Variants in PRKAR2B observed in about 807,000 individuals in gnomAD.
PRKAR2B encodes protein kinase cAMP-dependent type II regulatory subunit beta.
A neutral mutation model predicts 49.9 loss-of-function variants in PRKAR2B; 14 were observed. That is an observed-to-expected ratio of 0.28 (90% CI 0.19 to 0.44). The LOEUF is 0.44. PRKAR2B is among the 20% of genes least tolerant of loss of function. PRKAR2B has a pLI of 1.00. For synonymous variants in PRKAR2B, 196 were observed against 197.7 expected (o/e 0.99, Z 0.07); for missense variants, 393 against 537.9 (o/e 0.73, Z 2.67).
chr7:107,142,727 GAGA>G lies in PRKAR2B; in HGVS notation c.587+1780_587+1782del, dbSNP rs1273489271. Among the ~76,000 whole-genome samples the G allele has an allele frequency of 5.3e-5, 8 of 151,866 alleles. No homozygotes were observed. The East Asian group carries it at 1.4e-3, about 26-fold the overall frequency. ...GCCTGCCGGAGGCCTTGTATTATCA[GAGA>G]AGAAGTCTGTGTGAAAAAAACAGCC... On this transcript the variant is annotated intron_variant, in intron 5 of 10. Coordinates refer to ENST00000265717, the MANE Select transcript of PRKAR2B (RefSeq NM_002736.3).
At chr7:107,155,274 C>T (rs1796059991) in intron 8 of PRKAR2B, among the ~76,000 whole-genome samples, 2 of 152,246 alleles carry the variant, frequency 1.3e-5, no homozygotes, top group African/African-American at 4.8e-5. Context: ...ATTTCAAGGC[C>T]AGGCACAGTG....
At chr7:107,090,242 A>G (rs550709999) in intron 2 of PRKAR2B, among the ~76,000 whole-genome samples, 1 of 152,272 alleles carries the variant, frequency 6.6e-6, no homozygotes, top group Non-Finnish European at 1.5e-5. Context: ...GAATCTCTCC[A>G]TCTCTTGCCT....
chr7:107,065,242 C>T (rs1429055786), intron 1 of PRKAR2B, among the ~76,000 whole-genome samples: 1 of 151,822 alleles, frequency 6.6e-6, no homozygotes. Context: ...CACTTTTCTG[C>T]AAAAGGCTAA....
At chr7:107,138,016 C>T (rs1219485103) in intron 4 of PRKAR2B, among the ~76,000 whole-genome samples, 1 of 151,980 alleles carries the variant, frequency 6.6e-6, no homozygotes, top group Non-Finnish European at 1.5e-5. Context: ...AAAATTCATC[C>T]TGTATTGTTT....
intron 2 of PRKAR2B, among the ~76,000 whole-genome samples, chr7:107,097,774 A>G (rs910941134): frequency 6.6e-6 from 1 of 152,176 alleles, no homozygotes. Flanking sequence ...TATGAAGCTT[A>G]GTTTGGCTGG....
chr7:107,156,189 A>T (rs1244535776), intron 8 of PRKAR2B, among the ~76,000 whole-genome samples: 1 of 152,192 alleles, frequency 6.6e-6, no homozygotes, highest in Non-Finnish European at 1.5e-5. Flanking sequence ...TGATAGGTAT[A>T]GCAAACCTCC....
chr7:107,124,215 A>G (rs760361105), intron 3 of PRKAR2B, among the ~76,000 whole-genome samples: 23 of 152,236 alleles, frequency 1.5e-4, no homozygotes, highest in Admixed American at 7.9e-4. Context: ...AATGCCTTTA[A>G]TAAATGAAAA....
At chr7:107,122,210 C>G (rs567132105) in intron 3 of PRKAR2B, among the ~76,000 whole-genome samples, 1 of 152,232 alleles carries the variant, frequency 6.6e-6, no homozygotes, top group African/African-American at 2.4e-5. Flanking sequence ...GAGTATTTCT[C>G]TTTACAAAAT....
intron 4 of PRKAR2B, among the ~76,000 whole-genome samples, chr7:107,137,542 ATATC>A (rs1435534977): frequency 6.6e-6 from 1 of 152,206 alleles, no homozygotes; most frequent in Non-Finnish European, 1.5e-5. Flanking sequence ...CATTTTATAA[ATATC>A]TATATAGTAA....
In PRKAR2B at chr7:107,074,062, AAAAATAAAAT is replaced by A. The variant is rs201751689; in HGVS notation, c.343+3760_343+3769del. 3.0e-4 allele frequency among the ~76,000 whole-genome samples: 46 copies of A among 152,234 alleles called. 1 individual carries two copies. In the South Asian group the frequency reaches 9.1e-3, roughly 30 times the overall value. ...GGCAACAGAGTGAGACCCTGTCTCAAAAAATAAAATAAAATAAAATAAAGTAACAGAGAAA... is the reference window on the plus strand; with the variant it reads ...GGCAACAGAGTGAGACCCTGTCTCAAAAAATAAAATAAAGTAACAGAGAAA... On this transcript the variant is annotated intron_variant, in intron 2 of 10. Coordinates refer to ENST00000265717, the MANE Select transcript of PRKAR2B (RefSeq NM_002736.3).
intron 1 of PRKAR2B, among the ~76,000 whole-genome samples, chr7:107,057,347 T>C (rs558747545): frequency 6.6e-6 from 1 of 152,314 alleles, no homozygotes. Flanking sequence ...TTCTCTCCTG[T>C]ACTGTGATGT....
At chr7:107,045,570 G>A (rs1793672634) in intron 1 of PRKAR2B, among the ~76,000 whole-genome samples, 1 of 152,180 alleles carries the variant, frequency 6.6e-6, no homozygotes, top group Non-Finnish European at 1.5e-5. Flanking sequence ...GGATACCATT[G>A]TGCATAAAGA....
intron 2 of PRKAR2B, among the ~76,000 whole-genome samples, chr7:107,117,306 T>C (rs947802607): frequency 6.6e-6 from 1 of 152,158 alleles, no homozygotes; most frequent in Non-Finnish European, 1.5e-5. Context: ...AACTCTGTTA[T>C]TTAATACACC....
intron 2 of PRKAR2B, among the ~76,000 whole-genome samples, chr7:107,121,504 C>T (rs1562863534): frequency 5.3e-5 from 8 of 152,036 alleles, no homozygotes; most frequent in Admixed American, 1.3e-4. Flanking sequence ...ATACCCAAAA[C>T]GTTAATATTT....
At chr7:107,125,040 A>G (rs549557455) in intron 3 of PRKAR2B, among the ~76,000 whole-genome samples, 19 of 152,268 alleles carry the variant, frequency 1.2e-4, no homozygotes, top group African/African-American at 4.6e-4. Flanking sequence ...TGAATTTAAT[A>G]TAGATTTTAT....
intron 3 of PRKAR2B, among the ~76,000 whole-genome samples, chr7:107,124,781 T>G (rs967642493): frequency 6.6e-6 from 1 of 151,782 alleles, no homozygotes; most frequent in Non-Finnish European, 1.5e-5. Flanking sequence ...ACTGTTTTTC[T>G]AATTTTTTTT....
At chr7:107,057,580 C>T (rs1409488906) in intron 1 of PRKAR2B, among the ~76,000 whole-genome samples, 4 of 152,032 alleles carry the variant, frequency 2.6e-5, no homozygotes, top group South Asian at 2.1e-4. Flanking sequence ...GGTATAGACT[C>T]TAGATTTGAA....
At chr7:107,132,649 C>T (rs533173594) in intron 4 of PRKAR2B, among the ~76,000 whole-genome samples, 6 of 152,168 alleles carry the variant, frequency 3.9e-5, no homozygotes, top group African/African-American at 1.4e-4. Flanking sequence ...TCTAGGATGG[C>T]TCCCAGTGTC....
In PRKAR2B at chr7:107,160,320, A is replaced by G. The variant is rs1269665676; in HGVS notation, c.*738A>G. On this transcript the variant is annotated 3_prime_UTR_variant, in exon 11 of 11. Transcript: ENST00000265717. ...ATCAAGCATATATCTGCTTTTTTTT[A>G]TTTTGCAATTCTCTGTATTCTATGT... The G allele has an allele frequency of 6.6e-6, 1 of 152,008 alleles. No homozygotes were observed. Among genetic ancestry groups the G allele is most frequent in the Non-Finnish European group, 1.5e-5 (1 of 67,952 alleles). The allele number at this position is 152,008 out of a possible 1,614,324, so 9.4% of individuals were successfully genotyped here. A position where few individuals can be genotyped will look rare whatever the true frequency, so the allele number is the denominator to read the frequency against.
Sources: allele counts gnomAD v4.1 joint callset (sites outside exome capture counted in the v4.1 genomes callset), GRCh38; gene constraint gnomAD v4.1.1; transcripts MANE v1.5; gene names NCBI Gene and HGNC (gene_info 2026-07-23, HGNC 2026-07-21).